Variants in ITPR1 observed in about 807,000 individuals in gnomAD.
ITPR1 encodes inositol 1,4,5-trisphosphate-gated calcium channel ITPR1.
In ITPR1, 96 loss-of-function variants were observed where a neutral mutation model predicts 318.4. The ratio of observed to expected loss-of-function variants is 0.30; its 90% CI spans 0.26 to 0.36. ITPR1 has a LOEUF of 0.36. Among genes scored for constraint, ITPR1 ranks in the 10% least tolerant of loss-of-function variants. The pLI, the probability that ITPR1 is intolerant of heterozygous loss-of-function variation, is 1.00. For synonymous variants in ITPR1, 1,312 were observed against 1,289.9 expected (o/e 1.02, Z -0.37); for missense variants, 2,440 against 3,460.2 (o/e 0.71, Z 7.40).
chr3:4,679,571 T>C (rs1649411665), intron 24 of ITPR1, among the ~76,000 whole-genome samples: 1 of 152,192 alleles, frequency 6.6e-6, no homozygotes, highest in African/African-American at 2.4e-5. Context: ...CCTCCGTGGA[T>C]TGGATGGTGC....
At chr3:4,521,160 G>A in intron 4 of ITPR1, 66 bp downstream of exon 4, 1 of 1,067,798 alleles carries the variant, frequency 9.4e-7, no homozygotes, top group Non-Finnish European at 1.4e-6. Flanking sequence ...GTGTGTTGTT[G>A]GTGTGTGTGT....
intron 2 of ITPR1, among the ~76,000 whole-genome samples, chr3:4,498,565 C>A (rs1052756786): frequency 2.0e-5 from 3 of 152,292 alleles, no homozygotes; most frequent in African/African-American, 7.2e-5. Flanking sequence ...TGGTTTTCAA[C>A]ATCACAAAAC....
At chr3:4,519,298 C>G (rs1382231074) in intron 3 of ITPR1, among the ~76,000 whole-genome samples, 1 of 152,146 alleles carries the variant, frequency 6.6e-6, no homozygotes, top group Non-Finnish European at 1.5e-5. Context: ...ACGATCTTGG[C>G]TCACTGCACC....
chr3:4,741,849 AGTCAGGAATGAGTC>A, intron 44 of ITPR1, among the ~76,000 whole-genome samples: 1 of 152,276 alleles, frequency 6.6e-6, no homozygotes, highest in African/African-American at 2.4e-5. Context: ...TTGGCAGGGA[AGTCAGGAATGAGTC>A]ACTTCTGAGC....
chr3:4,521,062 G>A lies in ITPR1; in HGVS notation c.131G>A (p.Gly44Glu). 6.2e-7 allele frequency: 1 copy of A among 1,613,740 alleles called. No homozygotes were observed. The highest frequency in any genetic ancestry group is 8.5e-7 in the Non-Finnish European group (1 of 1,179,704). The change falls in exon 4 of 62, where the codon GGG becomes GAG. Residue 44 changes from glycine (G) to glutamate (E), a missense_variant. Coordinates refer to ENST00000649015, the MANE Select transcript of ITPR1 (RefSeq NM_001378452.1). ...DDRCVVQPETGDLNNPPKKFR... is the reference protein window; with the variant it reads ...DDRCVVQPETEDLNNPPKKFR... The stretch of plus-strand genomic sequence containing the variant: ...CGTTGTGTTGTACAGCCAGAAACCG[G>A]GGACCTTAACAATCCACCTAAGAAA...
chr3:4,603,576 C>T lies in ITPR1; in HGVS notation c.164-24187C>T, dbSNP rs554942543. 4.3e-4 allele frequency among the ~76,000 whole-genome samples: 66 copies of T among 152,196 alleles called. 1 individual carries two copies. Among genetic ancestry groups the T allele is most frequent in the Non-Finnish European group, 7.5e-4 (51 of 68,004 alleles). On this transcript the variant is annotated intron_variant, in intron 4 of 61. Coordinates refer to ENST00000649015, the MANE Select transcript of ITPR1 (RefSeq NM_001378452.1). ...TCCTGAGTAGCTGGGACTACAGGGGCGCGCCACCACACCTAGCTAATTTTT... is the reference window on the plus strand; with the variant it reads ...TCCTGAGTAGCTGGGACTACAGGGGTGCGCCACCACACCTAGCTAATTTTT...
rs934388010 is a variant in ITPR1, at chr3:4,557,548, C to G, written c.163+36454C>G. Among the ~76,000 whole-genome samples, 8 of 152,230 alleles carry G rather than the reference C, an allele frequency of 5.3e-5. No homozygotes were observed. In the East Asian group the frequency reaches 1.5e-3, roughly 29 times the overall value. ...GTTGGCCATGATAATTCCCTTTTGA[C>G]TGTGTTCAGCTGGGCCTGCTTTTGA... On this transcript the variant is annotated intron_variant, in intron 4 of 61. Coordinates refer to ENST00000649015, the MANE Select transcript of ITPR1 (RefSeq NM_001378452.1).
At chr3:4,668,999 A>C (rs2094013593) in intron 18 of ITPR1, among the ~76,000 whole-genome samples, 1 of 152,152 alleles carries the variant, frequency 6.6e-6, no homozygotes, top group African/African-American at 2.4e-5. Flanking sequence ...TTGAAGCGGG[A>C]AGCAATTTAC....
chr3:4,675,256 T>A lies in ITPR1; in HGVS notation c.2779+8T>A. 5.6e-6 allele frequency: 9 copies of A among 1,602,350 alleles called. No individual in the cohort carries two copies. Among genetic ancestry groups the A allele is most frequent in the Non-Finnish European group, 7.7e-6 (9 of 1,174,830 alleles). On this transcript the variant is annotated splice_region_variant and intron_variant, in intron 23 of 61. Coordinates refer to ENST00000649015, the MANE Select transcript of ITPR1 (RefSeq NM_001378452.1). ...ATGTGGAGAAGCTGAAGAGTGAGTA[T>A]CTGAGGGTGCCCATACATCTGAGAG...
At chr3:4,714,184 G>A (rs1188156622) in intron 39 of ITPR1, among the ~76,000 whole-genome samples, 1 of 152,154 alleles carries the variant, frequency 6.6e-6, no homozygotes, top group African/African-American at 2.4e-5. Context: ...AGGGCAGGCC[G>A]ACTTTTTCAA....
At chr3:4,657,397 GT>G (rs1260470287) in intron 12 of ITPR1, among the ~76,000 whole-genome samples, 45 of 125,610 alleles carry the variant, frequency 3.6e-4, no homozygotes, top group South Asian at 5.2e-4. Flanking sequence ...TTTTTTTTTT[GT>G]TTTTTTTTTT....
chr3:4,803,054 C>T (rs1466836451), intron 54 of ITPR1, among the ~76,000 whole-genome samples: 1 of 152,216 alleles, frequency 6.6e-6, no homozygotes, highest in East Asian at 1.9e-4. Flanking sequence ...ATGGCAGCAT[C>T]TGCTTCTGGG....
chr3:4,669,575 C>T, intron 18 of ITPR1, 79 bp from the exon 19 acceptor site: 1 of 1,403,074 alleles, frequency 7.1e-7, no homozygotes, highest in Non-Finnish European at 9.7e-7. Context: ...TGGACCTGTG[C>T]ACTTAAGGAA....
intron 24 of ITPR1, among the ~76,000 whole-genome samples, chr3:4,679,822 C>A (rs1408244350): frequency 6.6e-6 from 1 of 152,190 alleles, no homozygotes; most frequent in African/African-American, 2.4e-5. Context: ...AGGACACATA[C>A]ACTGAGAGCA....
At chr3:4,572,249 C>T (rs1046699686) in intron 4 of ITPR1, among the ~76,000 whole-genome samples, 1 of 152,178 alleles carries the variant, frequency 6.6e-6, no homozygotes, top group African/African-American at 2.4e-5. Context: ...GGATGTATCT[C>T]ATAGGCATCT....
At chr3:4,613,905 T>C (rs998080407) in intron 4 of ITPR1, among the ~76,000 whole-genome samples, 1 of 152,138 alleles carries the variant, frequency 6.6e-6, no homozygotes, top group African/African-American at 2.4e-5. Context: ...CACACTCAGA[T>C]TGAGATAGAT....
At chr3:4,676,566 G>A (rs2094189455) in intron 23 of ITPR1, 48 bp from the exon 24 acceptor site, 1 of 1,452,790 alleles carries the variant, frequency 6.9e-7, no homozygotes, top group South Asian at 1.2e-5. Context: ...ATGCCTCTGA[G>A]CATTCTCTAG....
In ITPR1 at chr3:4,499,613, C is replaced by G. The variant is rs185882233; in HGVS notation, c.-17+5107C>G. Among the ~76,000 whole-genome samples the G allele has an allele frequency of 6.6e-5, 10 of 152,290 alleles. No individual in the cohort carries two copies. The South Asian group carries it at 2.1e-3, about 32-fold the overall frequency. ...TTACAAATGGTTGATGTTCACTAAT[C>G]TCTGTATTTCCTCTACAGATCTTTT... On this transcript the variant is annotated intron_variant, in intron 2 of 61. Transcript: ENST00000649015.
At chr3:4,641,401 G>A (rs180912448) in intron 6 of ITPR1, among the ~76,000 whole-genome samples, 2 of 152,266 alleles carry the variant, frequency 1.3e-5, no homozygotes, top group Admixed American at 6.5e-5. Flanking sequence ...TTGAGAGACA[G>A]CGTCTTGCTC....
Sources: allele counts gnomAD v4.1 joint callset (sites outside exome capture counted in the v4.1 genomes callset), GRCh38; gene constraint gnomAD v4.1.1; transcripts MANE v1.5; gene names NCBI Gene and HGNC (gene_info 2026-07-23, HGNC 2026-07-21).